The following GNS variants were observed in gnomAD, a reference collection of about 807,000 sequenced individuals.
GNS encodes glucosamine (N-acetyl)-6-sulfatase, also known as N-acetylglucosamine-6-sulfatase.
In GNS, 40 loss-of-function variants were observed where a neutral mutation model predicts 69.7. That is an observed-to-expected ratio of 0.57 (90% CI 0.45 to 0.75). The LOEUF is 0.75. Among genes scored for constraint, GNS ranks in the 30% least tolerant of loss-of-function variants. The pLI, the probability that GNS is intolerant of heterozygous loss-of-function variation, is 0.00. For synonymous variants in GNS, 243 were observed against 251.6 expected (o/e 0.97, Z 0.32); for missense variants, 565 against 685.5 (o/e 0.82, Z 1.96).
chr12:64,716,093 T>C lies in GNS; in HGVS notation c.*648A>G, dbSNP rs997487548. On this transcript the variant is annotated 3_prime_UTR_variant, in exon 14 of 14. Coordinates refer to ENST00000258145, the MANE Select transcript of GNS (RefSeq NM_002076.4). The stretch of plus-strand genomic sequence containing the variant: ...TCACAAGCTTACTGCTCTATTTCAG[T>C]GCAGCACCAGCCTAGAATTCACAAA... 3 of 158,488 alleles carry C rather than the reference T, an allele frequency of 1.9e-5. No individual in the cohort carries two copies. Among genetic ancestry groups the C allele is most frequent in the Non-Finnish European group, 4.2e-5 (3 of 71,072 alleles). The allele number at this position is 158,488 out of a possible 1,614,324, so 9.8% of individuals were successfully genotyped here.
Position 64,714,233 on chromosome 12 carries a change from T to C in GNS, c.*2508A>G, listed in dbSNP as rs1324286703. The C allele has an allele frequency of 6.6e-6, 1 of 152,242 alleles. No homozygotes were observed. Among genetic ancestry groups the C allele is most frequent in the Non-Finnish European group, 1.5e-5 (1 of 68,056 alleles). The allele number at this position is 152,242 out of a possible 1,614,324, so 9.4% of individuals were successfully genotyped here. ...GAGAGCTTTGTAACAGGAAATTGTA[T>C]AAGGCAAACTCTCTATTCATTCCTA... On this transcript the variant is annotated 3_prime_UTR_variant, in exon 14 of 14. Transcript: ENST00000258145.
Position 64,752,703 on chromosome 12 carries a change from TG to T in GNS, c.246del (p.Ser83ValfsTer17). 1 of 1,494,680 alleles carries T rather than the reference TG, an allele frequency of 6.7e-7. No homozygotes were observed. The highest frequency in any genetic ancestry group is 9.3e-7 in the Non-Finnish European group (1 of 1,072,898). 92.6% of individuals were successfully genotyped at this position (1,494,680 alleles called of 1,614,324 possible). On this transcript the variant is annotated frameshift_variant, in exon 2 of 14. Coordinates refer to ENST00000258145, the MANE Select transcript of GNS (RefSeq NM_002076.4). LOFTEE classifies it high-confidence loss of function. ...ALIGEMGMTF[S>X]SAYVPSALCC... ...GAATTAACTTTCAAACTTACAGCAC[TG>T]GAAAAAGTCATCCCCATCTCTCCGA...
In GNS at chr12:64,737,090, T is replaced by C. The variant is rs375533636; in HGVS notation, c.1012A>G (p.Ile338Val). Residue 338 changes from isoleucine to valine, a missense_variant, in exon 9 of 14, where the codon ATA becomes GTA. This residue lies in a region of GNS where 384 missense variants were observed against 511.0 expected (regional missense o/e 0.75). Coordinates refer to ENST00000258145, the MANE Select transcript of GNS (RefSeq NM_002076.4). ...AACTCATACAGCTGTCTCTTGTCTATTGGCAAGGAAAACTGTCCTGAAAAC... is the reference window on the plus strand; with the variant it reads ...AACTCATACAGCTGTCTCTTGTCTACTGGCAAGGAAAACTGTCCTGAAAAC... ...GYHTGQFSLP[I>V]DKRQLYEFDI... is the part of the protein sequence containing the mutation. 6.3e-6 allele frequency: 10 copies of C among 1,576,364 alleles called. No individual in the cohort carries two copies. The highest frequency in any genetic ancestry group is 3.3e-4 in the Middle Eastern group (2 of 6,004).
intron 2 of GNS, among the ~76,000 whole-genome samples, chr12:64,749,188 C>T (rs1232618398): frequency 6.7e-6 from 1 of 149,998 alleles, no homozygotes; most frequent in Non-Finnish European, 1.5e-5. Context: ...ATCCACCTGC[C>T]TCGGCCTCCC....
Position 64,736,995 on chromosome 12 carries a change from G to A in GNS, c.1098+9C>T. ...ACCTGTCCACAGCACCAGCTTGTCA[G>A]GCACCTACCTTGCTTGTCTGATTTG... is the stretch of plus-strand genomic sequence containing the variant. On this transcript the variant is annotated intron_variant, in intron 9 of 13. Transcript: ENST00000258145. 1 of 1,391,482 alleles carries A rather than the reference G, an allele frequency of 7.2e-7. No individual in the cohort carries two copies. 86.2% of individuals were successfully genotyped at this position (1,391,482 alleles called of 1,614,324 possible). A position where few individuals can be genotyped will look rare whatever the true frequency, so the allele number is the denominator to read the frequency against.
intron 9 of GNS, among the ~76,000 whole-genome samples, chr12:64,733,815 C>A (rs1869478763): frequency 2.0e-5 from 3 of 152,206 alleles, no homozygotes; most frequent in African/African-American, 7.2e-5. Flanking sequence ...TCCTACTAAC[C>A]TTTTCCTTTT....
chr12:64,742,629 G>A lies in GNS; in HGVS notation c.792+512C>T, dbSNP rs528862243. Among the ~76,000 whole-genome samples the A allele has an allele frequency of 2.6e-5, 4 of 152,324 alleles. No homozygotes were observed. The East Asian group carries it at 7.7e-4, about 29-fold the overall frequency. On this transcript the variant is annotated intron_variant, in intron 6 of 13. Coordinates refer to ENST00000258145, the MANE Select transcript of GNS (RefSeq NM_002076.4). ...ATGCAGGCCTTCTGTCTTTGAACCA[G>A]GGAACTGTCTATACACCAAGCCAAG...
At chr12:64,754,819 T>A (rs1870197437) in intron 1 of GNS, among the ~76,000 whole-genome samples, 1 of 151,652 alleles carries the variant, frequency 6.6e-6, no homozygotes, top group Non-Finnish European at 1.5e-5. Flanking sequence ...TGCCCAGAAG[T>A]TCGAGGCTGC....
At chr12:64,740,169 C>A (rs1159897507) in intron 7 of GNS, among the ~76,000 whole-genome samples, 1 of 152,228 alleles carries the variant, frequency 6.6e-6, no homozygotes, top group East Asian at 1.9e-4. Context: ...ACACTAAACA[C>A]TTCCTAAGAG....
chr12:64,750,291 G>T (rs1870038683), intron 2 of GNS, among the ~76,000 whole-genome samples: 1 of 151,890 alleles, frequency 6.6e-6, no homozygotes. Context: ...CAGGTGATCT[G>T]TCCACCTCAG....
In GNS at chr12:64,720,186, G is replaced by A; in HGVS notation, c.1420-4C>T. 1 of 1,581,886 alleles carries A rather than the reference G, an allele frequency of 6.3e-7. No homozygotes were observed. The highest frequency in any genetic ancestry group is 8.7e-7 in the Non-Finnish European group (1 of 1,151,140). ...GATTATAGACTTCTACAAACACCTA[G>A]AGGACATGAAAGAATGGAGGAAAGA... On this transcript the variant is annotated splice_polypyrimidine_tract_variant and splice_region_variant and intron_variant, in intron 12 of 13. Coordinates refer to ENST00000258145, the MANE Select transcript of GNS (RefSeq NM_002076.4).
Position 64,739,516 on chromosome 12 carries a change from G to A in GNS, c.876-17C>T, listed in dbSNP as rs2136245561. 8.5e-7 allele frequency: 1 copy of A among 1,176,594 alleles called. No individual in the cohort carries two copies. The highest frequency in any genetic ancestry group is 1.3e-6 in the Non-Finnish European group (1 of 783,532). 72.9% of individuals were successfully genotyped at this position (1,176,594 alleles called of 1,614,324 possible). ...GTTTGCCACCTGGATGTGAACAGAAGGTAGAAATGGGACTTCAGGGGCAAT... is the reference window on the plus strand; with the variant it reads ...GTTTGCCACCTGGATGTGAACAGAAAGTAGAAATGGGACTTCAGGGGCAAT... On this transcript the variant is annotated splice_polypyrimidine_tract_variant and intron_variant, in intron 7 of 13. Transcript: ENST00000258145.
chr12:64,740,511 T>C, intron 7 of GNS, 95 bp downstream of exon 7: 1 of 786,434 alleles, frequency 1.3e-6, no homozygotes, highest in South Asian at 1.4e-5. Flanking sequence ...TCTGTTTTTG[T>C]TTCAGAGACA....
intron 1 of GNS, chr12:64,756,732 G>T: frequency 1.3e-6 from 2 of 1,499,376 alleles, no homozygotes; most frequent in Non-Finnish European, 1.8e-6. Context: ...AGTCCTGTTT[G>T]ACAATTAGTG....
At chr12:64,756,912 T>C in intron 1 of GNS, 1 of 573,600 alleles carries the variant, frequency 1.7e-6, no homozygotes, top group Middle Eastern at 4.7e-4. Flanking sequence ...CCCAGCACTT[T>C]GGGAGGCTGA....
At chr12:64,754,598 T>C (rs1287967285) in intron 1 of GNS, among the ~76,000 whole-genome samples, 2 of 151,936 alleles carry the variant, frequency 1.3e-5, no homozygotes, top group Non-Finnish European at 2.9e-5. Context: ...CATAGGAATT[T>C]AGACTTTAGG....
intron 6 of GNS, 147 bp downstream of exon 6, chr12:64,742,994 T>C: frequency 1.3e-6 from 1 of 758,342 alleles, no homozygotes; most frequent in Non-Finnish European, 2.4e-6. Flanking sequence ...TGCAAGTTTA[T>C]ACTATTGGTT....
intron 10 of GNS, among the ~76,000 whole-genome samples, chr12:64,724,125 A>C (rs1307153042): frequency 6.6e-6 from 1 of 152,128 alleles, no homozygotes; most frequent in African/African-American, 2.4e-5. Context: ...CTCAGGTCCT[A>C]CTCTAGCTCT....
intron 2 of GNS, among the ~76,000 whole-genome samples, chr12:64,751,572 C>T (rs1386756271): frequency 6.6e-6 from 1 of 152,192 alleles, no homozygotes; most frequent in Non-Finnish European, 1.5e-5. Context: ...GGAAAGAATG[C>T]TAAAATTTCA....
Sources: allele counts gnomAD v4.1 joint callset (sites outside exome capture counted in the v4.1 genomes callset), GRCh38; gene constraint gnomAD v4.1.1; regional missense constraint gnomAD v4.1.1; transcripts MANE v1.5; gene names NCBI Gene and HGNC (gene_info 2026-07-23, HGNC 2026-07-21).